Variants in GRIP1 observed in about 807,000 individuals in gnomAD.
The protein encoded by GRIP1 is glutamate receptor interacting protein 1.
Under a neutral mutation model 129.9 loss-of-function variants are expected in GRIP1, and 45 were observed. That is an observed-to-expected ratio of 0.35 (90% CI 0.27 to 0.44). GRIP1 has a LOEUF of 0.44. Among genes scored for constraint, GRIP1 ranks in the 20% least tolerant of loss-of-function variants. The probability of loss-of-function intolerance (pLI) is 1.00; values close to 1 mark genes in which losing one functional copy is unlikely to be tolerated. For missense variants in GRIP1, 1,196 were observed against 1,396.8 expected (o/e 0.86, Z 2.29); for synonymous variants, 530 against 520.8 (o/e 1.02, Z -0.24).
At chr12:67,029,757 A>G (rs1167866395) in intron 1 of GRIP1, among the ~76,000 whole-genome samples, 3 of 152,120 alleles carry the variant, frequency 2.0e-5, no homozygotes, top group African/African-American at 7.2e-5. Flanking sequence ...ATGTTGATGG[A>G]AACCTTAACT....
At chr12:66,378,639 C>T (rs868826830) in intron 20 of GRIP1, among the ~76,000 whole-genome samples, 5 of 150,134 alleles carry the variant, frequency 3.3e-5, no homozygotes, top group South Asian at 2.1e-4. Context: ...CCCAGCTACT[C>T]GGGAGGCTGA....
chr12:66,539,300 C>T (rs1565841691), intron 3 of GRIP1, 77 bp from the exon 4 acceptor site: 16 of 1,577,786 alleles, frequency 1.0e-5, no homozygotes, highest in Admixed American at 1.7e-5. Context: ...ACTTTCCCTT[C>T]ATGGTAAGCA....
intron 1 of GRIP1, among the ~76,000 whole-genome samples, chr12:66,792,612 G>A (rs1448213349): frequency 2.0e-5 from 3 of 152,074 alleles, no homozygotes; most frequent in African/African-American, 7.2e-5. Flanking sequence ...GGCTATATGG[G>A]ACTATCTCTG....
chr12:66,979,465 C>G (rs2042212399), intron 1 of GRIP1, among the ~76,000 whole-genome samples: 1 of 151,988 alleles, frequency 6.6e-6, no homozygotes, highest in African/African-American at 2.4e-5. Flanking sequence ...CTGCTGTCTT[C>G]ACGAACCCGT....
chr12:66,934,752 CA>C (rs2041456916), intron 1 of GRIP1, among the ~76,000 whole-genome samples: 1 of 152,182 alleles, frequency 6.6e-6, no homozygotes, highest in Non-Finnish European at 1.5e-5. Flanking sequence ...ATATCAAACA[CA>C]AGTAAGTGCT....
At chr12:66,926,101 G>A (rs1010608715) in intron 1 of GRIP1, among the ~76,000 whole-genome samples, 1 of 152,096 alleles carries the variant, frequency 6.6e-6, no homozygotes, top group Admixed American at 6.5e-5. Flanking sequence ...CTCAACACAG[G>A]CGACTGAAAC....
At chr12:66,542,733 T>C (rs1156350445) in intron 2 of GRIP1, among the ~76,000 whole-genome samples, 1 of 152,154 alleles carries the variant, frequency 6.6e-6, no homozygotes, top group East Asian at 1.9e-4. Flanking sequence ...ATGAGTAGAG[T>C]CAATATTTAC....
chr12:66,669,270 C>T (rs2033955358), intron 1 of GRIP1, among the ~76,000 whole-genome samples: 1 of 152,062 alleles, frequency 6.6e-6, no homozygotes, highest in African/African-American at 2.4e-5. Context: ...TGCCTGTAAT[C>T]CCAGCTACTC....
At chr12:66,590,199 G>A (rs1236322174) in intron 2 of GRIP1, among the ~76,000 whole-genome samples, 8 of 152,090 alleles carry the variant, frequency 5.3e-5, no homozygotes, top group African/African-American at 1.2e-4. Flanking sequence ...GTACCCAAAC[G>A]GGGATTCGGG....
At chr12:66,516,429 A>T (rs1237106131) in intron 6 of GRIP1, among the ~76,000 whole-genome samples, 1 of 152,146 alleles carries the variant, frequency 6.6e-6, no homozygotes, top group Non-Finnish European at 1.5e-5. Flanking sequence ...AGGGAGGGGC[A>T]CAAAAATAAG....
intron 7 of GRIP1, among the ~76,000 whole-genome samples, chr12:66,488,955 G>C (rs1348035520): frequency 6.6e-6 from 1 of 152,078 alleles, no homozygotes; most frequent in Non-Finnish European, 1.5e-5. Flanking sequence ...CCAATAACAA[G>C]TTCTGAAATT....
intron 15 of GRIP1, among the ~76,000 whole-genome samples, chr12:66,413,904 C>G (rs946187309): frequency 2.6e-5 from 4 of 152,074 alleles, no homozygotes; most frequent in Non-Finnish European, 4.4e-5. Context: ...ACCATCCCTT[C>G]ATTTAAAAAC....
intron 2 of GRIP1, among the ~76,000 whole-genome samples, chr12:66,544,453 A>G (rs966678272): frequency 1.3e-4 from 20 of 152,316 alleles, no homozygotes; most frequent in African/African-American, 4.6e-4. Flanking sequence ...GTTGTAGGGA[A>G]GCAGCCACAG....
chr12:66,410,182 G>A (rs188297196), intron 15 of GRIP1, among the ~76,000 whole-genome samples: 1 of 137,228 alleles, frequency 7.3e-6, no homozygotes, highest in African/African-American at 2.7e-5. Context: ...CCCGGGAGGC[G>A]GAGCTTGCAG....
At chr12:66,410,564 A>T (rs2057364982) in intron 15 of GRIP1, among the ~76,000 whole-genome samples, 1 of 151,778 alleles carries the variant, frequency 6.6e-6, no homozygotes, top group African/African-American at 2.4e-5. Context: ...AATCGCTTGA[A>T]CCCAGGAGGC....
At chr12:66,970,217 GACT>G (rs1455409225) in intron 1 of GRIP1, among the ~76,000 whole-genome samples, 5 of 152,100 alleles carry the variant, frequency 3.3e-5, no homozygotes, top group African/African-American at 1.2e-4. Flanking sequence ...AAGTAGCTGG[GACT>G]ACAGCCATGC....
At chr12:66,973,919 CTTTTTT>C (rs535699240) in intron 1 of GRIP1, among the ~76,000 whole-genome samples, 3 of 121,356 alleles carry the variant, frequency 2.5e-5, no homozygotes, top group African/African-American at 9.1e-5. Flanking sequence ...CTTTTCTTTT[CTTTTTT>C]TTTTTTTTTT....
In GRIP1 at chr12:66,986,998, C is replaced by G. The variant is rs1004584089; in HGVS notation, c.58+82052G>C. 2.0e-5 allele frequency among the ~76,000 whole-genome samples: 3 copies of G among 151,926 alleles called. No individual in the cohort carries two copies. In the South Asian group the frequency reaches 6.2e-4, roughly 32 times the overall value. The stretch of plus-strand genomic sequence containing the variant: ...ATAAGAACTTTACCTGTTTAGGGTC[C>G]GTTGGACAAATACAGGATTCAGCAA... On this transcript the variant is annotated intron_variant, in intron 1 of 1. Coordinates refer to the GRIP1 transcript ENST00000643019.
chr12:66,465,234 C>T, intron 8 of GRIP1, 41 bp downstream of exon 8: 1 of 1,589,370 alleles, frequency 6.3e-7, no homozygotes, highest in East Asian at 2.2e-5. Flanking sequence ...GCGTGAGCCA[C>T]TGCGCCTGGC....
Sources: gnomAD v4.1 joint callset for allele counts (sites outside exome capture counted in the v4.1 genomes callset) on GRCh38, gnomAD v4.1.1 for gene constraint, MANE v1.5 for transcripts, NCBI Gene and HGNC (gene_info 2026-07-23, HGNC 2026-07-21) for gene names.